The following AGTPBP1 variants were observed in gnomAD, a reference collection of about 807,000 sequenced individuals.
AGTPBP1 encodes the protein ATP/GTP binding carboxypeptidase 1.
A neutral mutation model predicts 143.9 loss-of-function variants in AGTPBP1; 70 were observed. The observed-to-expected ratio is 0.49, with a 90% CI of 0.40 to 0.59. The LOEUF (loss-of-function observed/expected upper bound fraction) is 0.59. Ranked by LOEUF, AGTPBP1 falls within the 20% of genes least tolerant of loss-of-function variation. AGTPBP1 has a pLI of 0.00. For missense variants in AGTPBP1, 1,229 were observed against 1,464.5 expected, an observed-to-expected ratio of 0.84 and a Z score of 2.62; for synonymous variants, 463 against 500.2, an observed-to-expected ratio of 0.93 and a Z score of 0.99.
rs1268849002 is a variant in AGTPBP1, at chr9:85,613,648, T to A, written c.2335+5335A>T. On this transcript the variant is annotated intron_variant, in intron 17 of 25. Transcript: ENST00000357081. ...TCTCACCCAATTAAAGGGTACAGAA[T>A]CAGACAGTTTTAGAGGCACATTTTT... Among the ~76,000 whole-genome samples the A allele has an allele frequency of 2.6e-5, 4 of 152,168 alleles. No homozygotes were observed. In the East Asian group the frequency reaches 7.7e-4, roughly 29 times the overall value.
intron 2 of AGTPBP1, among the ~76,000 whole-genome samples, chr9:85,693,236 G>C (rs1366218912): frequency 1.3e-5 from 2 of 152,100 alleles, no homozygotes; most frequent in African/African-American, 4.8e-5. Flanking sequence ...TCACTTTCCT[G>C]TCACCAGATC....
chr9:85,741,270 C>T, intron 1 of AGTPBP1: 3 of 985,462 alleles, frequency 3.0e-6, no homozygotes, highest in Non-Finnish European at 3.6e-6. Flanking sequence ...CAGCAAATCC[C>T]ACCTTGCTGG....
intron 25 of AGTPBP1, among the ~76,000 whole-genome samples, chr9:85,560,514 A>C (rs960104187): frequency 2.0e-5 from 3 of 152,200 alleles, no homozygotes; most frequent in Non-Finnish European, 4.4e-5. Flanking sequence ...GCGCAAGTCA[A>C]AGTCTGCTCG....
chr9:85,589,655 T>G lies in AGTPBP1; in HGVS notation c.2595A>C (p.Ala865=). The part of the protein sequence containing the change: ...LQMHLQKLES[A]HNPQQIYFRK... ...GAAAATAGATTTGCTGAGGATTGTG[T>G]GCTGATTCCAATTTTTGAAGATGCA... Residue 865 remains alanine, a synonymous_variant, in exon 20 of 26, where the codon GCA becomes GCC. Coordinates refer to ENST00000357081, the MANE Select transcript of AGTPBP1 (RefSeq NM_001330701.2). 6.2e-7 allele frequency: 1 copy of G among 1,602,762 alleles called. No individual in the cohort carries two copies. Among genetic ancestry groups the G allele is most frequent in the Non-Finnish European group, 8.5e-7 (1 of 1,177,134 alleles).
intron 25 of AGTPBP1, among the ~76,000 whole-genome samples, chr9:85,563,122 T>C (rs1174228765): frequency 6.6e-6 from 1 of 152,214 alleles, no homozygotes; most frequent in African/African-American, 2.4e-5. Flanking sequence ...TTATAAGGTA[T>C]CCAGTGTACG....
chr9:85,627,257 C>T (rs377137007), intron 14 of AGTPBP1, among the ~76,000 whole-genome samples: 169 of 152,162 alleles, frequency 1.1e-3, no homozygotes, highest in Middle Eastern at 3.4e-3. Flanking sequence ...TTTATGTGCG[C>T]GCACACACAC....
intron 11 of AGTPBP1, among the ~76,000 whole-genome samples, chr9:85,651,682 T>C (rs1833170816): frequency 6.6e-6 from 1 of 152,184 alleles, no homozygotes; most frequent in African/African-American, 2.4e-5. Context: ...TACCCAAACA[T>C]ACCTAAGAAT....
chr9:85,622,340 T>C (rs1275429594), intron 14 of AGTPBP1, among the ~76,000 whole-genome samples: 1 of 152,126 alleles, frequency 6.6e-6, no homozygotes. Flanking sequence ...CTGAAACTAG[T>C]CTCCTGCACG....
chr9:85,713,434 G>C (rs544462362), intron 1 of AGTPBP1, among the ~76,000 whole-genome samples: 1 of 152,212 alleles, frequency 6.6e-6, no homozygotes, highest in Non-Finnish European at 1.5e-5. Flanking sequence ...AGGAGGCTGA[G>C]ACAGGAGAAT....
chr9:85,696,149 G>T (rs995094355), intron 2 of AGTPBP1, among the ~76,000 whole-genome samples: 2 of 152,076 alleles, frequency 1.3e-5, no homozygotes, highest in African/African-American at 2.4e-5. Context: ...GCCTTTGCCA[G>T]ACATTCTCTT....
At chr9:85,551,166 C>T in intron 25 of AGTPBP1, among the ~76,000 whole-genome samples, 1 of 152,128 alleles carries the variant, frequency 6.6e-6, no homozygotes, top group East Asian at 1.9e-4. Context: ...GCTTCCTGTA[C>T]AGCCTGCAGA....
intron 11 of AGTPBP1, among the ~76,000 whole-genome samples, chr9:85,654,319 T>C (rs1338265649): frequency 6.6e-6 from 1 of 152,196 alleles, no homozygotes; most frequent in Non-Finnish European, 1.5e-5. Flanking sequence ...TCCTCTACTG[T>C]ATACCTACAG....
At chr9:85,762,814 T>C in the AGTPBP1 span, among the ~76,000 whole-genome samples, 1 of 147,984 alleles carries the variant, frequency 6.8e-6, no homozygotes, top group Admixed American at 6.8e-5. Context: ...TATATATATG[T>C]AAAACTTTAT....
At chr9:85,716,989 A>G (rs1298314396) in intron 1 of AGTPBP1, among the ~76,000 whole-genome samples, 1 of 152,162 alleles carries the variant, frequency 6.6e-6, no homozygotes, top group African/African-American at 2.4e-5. Context: ...GCCTTTGCAT[A>G]AGCTGTTTCT....
At chr9:85,648,538 C>T (rs1006721243) in intron 11 of AGTPBP1, among the ~76,000 whole-genome samples, 8 of 152,102 alleles carry the variant, frequency 5.3e-5, no homozygotes, top group Non-Finnish European at 1.2e-4. Flanking sequence ...TGAATTAAGG[C>T]GCGGTGGTTC....
intron 15 of AGTPBP1, among the ~76,000 whole-genome samples, chr9:85,620,390 C>T (rs1047061523): frequency 2.7e-5 from 4 of 147,892 alleles, no homozygotes; most frequent in Non-Finnish European, 4.4e-5. Context: ...CTCCAGCCAG[C>T]CTAGGAGACA....
intron 17 of AGTPBP1, among the ~76,000 whole-genome samples, chr9:85,606,252 A>G (rs1022290569): frequency 2.0e-5 from 3 of 152,188 alleles, no homozygotes; most frequent in Admixed American, 6.5e-5. Context: ...AAGGACATAG[A>G]TATTTCTCAA....
intron 23 of AGTPBP1, among the ~76,000 whole-genome samples, chr9:85,581,542 T>C (rs12337577): frequency 1.3e-5 from 2 of 152,178 alleles, no homozygotes; most frequent in South Asian, 4.1e-4. Flanking sequence ...CATCCATCCA[T>C]TCAACAAATA....
At chr9:85,637,686 T>A (rs1399703062) in intron 13 of AGTPBP1, among the ~76,000 whole-genome samples, 1 of 152,142 alleles carries the variant, frequency 6.6e-6, no homozygotes, top group African/African-American at 2.4e-5. Context: ...CAAGGAGACT[T>A]TCTGGAATGA....
Sources: gnomAD v4.1 joint callset for allele counts (sites outside exome capture counted in the v4.1 genomes callset) on GRCh38, gnomAD v4.1.1 for gene constraint, MANE v1.5 for transcripts, NCBI Gene and HGNC (gene_info 2026-07-23, HGNC 2026-07-21) for gene names.